Variants in STPG2 observed in about 807,000 individuals in gnomAD.
The protein encoded by STPG2 is sperm tail PG-rich repeat containing 2.
Under a neutral mutation model 54.2 loss-of-function variants are expected in STPG2, and 56 were observed. The ratio of observed to expected loss-of-function variants is 1.03; its 90% CI spans 0.83 to 1.29. The LOEUF is 1.29. STPG2 is among the 50% of genes most tolerant of loss of function. STPG2 has a pLI of 0.00. For missense variants in STPG2, 596 were observed against 544.9 expected, an observed-to-expected ratio of 1.09 and a Z score of -0.93; for synonymous variants, 200 against 181.8, an observed-to-expected ratio of 1.10 and a Z score of -0.81.
At chr4:97,785,181 G>A (rs1726786216) in intron 9 of STPG2, among the ~76,000 whole-genome samples, 1 of 151,900 alleles carries the variant, frequency 6.6e-6, no homozygotes, top group Admixed American at 6.6e-5. Context: ...TTTCCAGTAA[G>A]AAATTTTTGA....
At chr4:98,018,083 T>C (rs1736028182) in intron 5 of STPG2, among the ~76,000 whole-genome samples, 1 of 152,134 alleles carries the variant, frequency 6.6e-6, no homozygotes, top group South Asian at 2.1e-4. Flanking sequence ...GTTTGTTACA[T>C]ATGTATACAT....
At chr4:97,896,084 C>CCT (rs1730943258) in intron 8 of STPG2, among the ~76,000 whole-genome samples, 1 of 151,738 alleles carries the variant, frequency 6.6e-6, no homozygotes, top group Non-Finnish European at 1.5e-5. Flanking sequence ...GGAAGGCTTT[C>CCT]CTCATGATAG....
At chr4:97,848,280 C>A (rs1304028922) in intron 8 of STPG2, among the ~76,000 whole-genome samples, 1 of 152,236 alleles carries the variant, frequency 6.6e-6, no homozygotes, top group South Asian at 2.1e-4. Context: ...AATACATAAA[C>A]ATAAATAGCA....
At chr4:97,459,756 A>C (rs1012441008) in intron 4 of STPG2, among the ~76,000 whole-genome samples, 6 of 151,990 alleles carry the variant, frequency 3.9e-5, no homozygotes, top group Non-Finnish European at 1.5e-5. Context: ...GCCTCTTTTT[A>C]ACAATGTCAG....
intron 4 of STPG2, among the ~76,000 whole-genome samples, chr4:97,464,183 T>A (rs1295637683): frequency 6.6e-6 from 1 of 152,060 alleles, no homozygotes; most frequent in African/African-American, 2.4e-5. Flanking sequence ...CTGTAAAAAA[T>A]TTTATAAAAA....
At chr4:98,006,406 T>C (rs1424144492) in intron 5 of STPG2, among the ~76,000 whole-genome samples, 1 of 152,178 alleles carries the variant, frequency 6.6e-6, no homozygotes, top group Non-Finnish European at 1.5e-5. Context: ...TGTGAGAGAC[T>C]GTGAGAAGTG....
At position 97,515,825 on chromosome 4, in the gene STPG2, T is replaced by G. The variant is rs181595414; in HGVS notation, c.462+196874A>C. Among the ~76,000 whole-genome samples, 1,057 of 152,122 alleles carry G rather than the reference T, an allele frequency of 6.9e-3. 5 individuals are homozygous for G. Among genetic ancestry groups the G allele is most frequent in the Non-Finnish European group, 0.012 (823 of 67,956 alleles). On this transcript the variant is annotated intron_variant, in intron 4 of 4. Coordinates refer to the STPG2 transcript ENST00000522676. Reference sequence around the variant, plus strand: ...GTGTGTATGTGTGTGTGTATATATATAGAGAGAGAGGTATGTATATATGTA... The same window carrying G: ...GTGTGTATGTGTGTGTGTATATATAGAGAGAGAGAGGTATGTATATATGTA...
At chr4:97,685,072 A>C (rs1369378057) in intron 10 of STPG2, among the ~76,000 whole-genome samples, 1 of 152,092 alleles carries the variant, frequency 6.6e-6, no homozygotes, top group Non-Finnish European at 1.5e-5. Flanking sequence ...ACTGATAATA[A>C]AGATTATTGA....
intron 9 of STPG2, among the ~76,000 whole-genome samples, chr4:97,735,443 G>C (rs1724950808): frequency 6.6e-6 from 1 of 151,166 alleles, no homozygotes; most frequent in Non-Finnish European, 1.5e-5. Flanking sequence ...CTACACATTA[G>C]GTACAATGTA....
chr4:97,894,766 T>C (rs1470346511), intron 8 of STPG2, among the ~76,000 whole-genome samples: 24 of 152,062 alleles, frequency 1.6e-4, no homozygotes, highest in Non-Finnish European at 1.2e-4. Flanking sequence ...AATTTCCAAA[T>C]GCTGGTATCC....
intron 10 of STPG2, among the ~76,000 whole-genome samples, chr4:97,614,560 TGAGCATCCCA>T (rs1221984526): frequency 1.3e-5 from 2 of 152,108 alleles, no homozygotes; most frequent in Non-Finnish European, 2.9e-5. Flanking sequence ...CAAAATGCCT[TGAGCATCCCA>T]AAAAACTGTT....
chr4:97,559,121 T>C lies in STPG2; in HGVS notation c.1321-4A>G. 1.3e-6 allele frequency: 2 copies of C among 1,586,226 alleles called. No homozygotes were observed. Among genetic ancestry groups the C allele is most frequent in the Non-Finnish European group, 1.7e-6 (2 of 1,166,248 alleles). ...CTTTCTTTTTCTCCTGGGATATCTG[T>C]TTAATAAGAATGAGAAAAAAAGGAG... On this transcript the variant is annotated splice_region_variant and splice_polypyrimidine_tract_variant and intron_variant, in intron 10 of 10. Coordinates refer to ENST00000295268, the MANE Select transcript of STPG2 (RefSeq NM_174952.3).
At chr4:98,028,998 C>T (rs1198365658) in intron 5 of STPG2, among the ~76,000 whole-genome samples, 4 of 151,976 alleles carry the variant, frequency 2.6e-5, no homozygotes, top group East Asian at 1.9e-4. Flanking sequence ...ATTTTCCAGA[C>T]ATTTTTCTGT....
At chr4:97,456,610 A>T (rs1338165708) in intron 4 of STPG2, among the ~76,000 whole-genome samples, 1 of 152,024 alleles carries the variant, frequency 6.6e-6, no homozygotes, top group African/African-American at 2.4e-5. Flanking sequence ...AAAATAAAAG[A>T]TGGGGCCGGG....
intron 5 of STPG2, among the ~76,000 whole-genome samples, chr4:98,036,401 C>G (rs902642824): frequency 9.2e-5 from 14 of 152,004 alleles, no homozygotes; most frequent in African/African-American, 3.4e-4. Flanking sequence ...GACGTGGAAT[C>G]AACCTAAATG....
At chr4:97,652,996 G>T (rs1459877233) in intron 10 of STPG2, among the ~76,000 whole-genome samples, 1 of 151,898 alleles carries the variant, frequency 6.6e-6, no homozygotes, top group Non-Finnish European at 1.5e-5. Flanking sequence ...TTTTTCAACA[G>T]TAGGAGTTAA....
chr4:98,128,279 TG>T (rs1379130593), intron 3 of STPG2, 148 bp downstream of exon 3: 2 of 644,238 alleles, frequency 3.1e-6, no homozygotes, highest in Admixed American at 3.7e-5. Context: ...CACTAAAATT[TG>T]GGGGTCTATT....
At chr4:97,520,663 T>C (rs1296241893) in intron 4 of STPG2, among the ~76,000 whole-genome samples, 1 of 152,090 alleles carries the variant, frequency 6.6e-6, no homozygotes, top group East Asian at 1.9e-4. Flanking sequence ...GTTTTAGTTT[T>C]GTGCTCTAGA....
In STPG2 at chr4:97,565,473, G is replaced by A. The variant is rs111324013; in HGVS notation, c.1321-6356C>T. ...TCTGTCCAGCTTTGTTCCATTGCTG[G>A]TGAGGAGCTGCGTTCCTTTGTAGGA... is the stretch of plus-strand genomic sequence containing the variant. On this transcript the variant is annotated intron_variant, in intron 10 of 10. Transcript: ENST00000295268. Among the ~76,000 whole-genome samples, 1,350 of 152,312 alleles carry A rather than the reference G, an allele frequency of 8.9e-3. 14 individuals carry two copies. Among genetic ancestry groups the A allele is most frequent in the African/African-American group, 0.03 (1,255 of 41,568 alleles).
Sources: gnomAD v4.1 joint callset for allele counts (sites outside exome capture counted in the v4.1 genomes callset) on GRCh38, gnomAD v4.1.1 for gene constraint, MANE v1.5 for transcripts, NCBI Gene and HGNC (gene_info 2026-07-23, HGNC 2026-07-21) for gene names.